MUC5AC: variants seen among roughly 807,000 people sequenced by gnomAD.
The protein encoded by MUC5AC is mucin-5AC.
Under a neutral mutation model 169.7 loss-of-function variants are expected in MUC5AC, and 158 were observed. The ratio of observed to expected loss-of-function variants is 0.93; its 90% CI spans 0.82 to 1.06. The LOEUF (loss-of-function observed/expected upper bound fraction) is 1.06. MUC5AC is among the 50% of genes least tolerant of loss of function. The pLI is 0.00. For synonymous variants in MUC5AC, 1,975 were observed against 1,237.0 expected (o/e 1.60, Z -12.52); for missense variants, 4,359 against 3,089.9 (o/e 1.41, Z -9.74).
chr11:1,194,365 G>T lies in MUC5AC; in HGVS notation c.15006+5G>T, dbSNP rs1196265024. On this transcript the variant is annotated splice_donor_5th_base_variant and intron_variant, in intron 34 of 48. Transcript: ENST00000621226. Reference sequence around the variant, plus strand: ...CACGGGGTGATGACAAACGAGGTGGGGGCGCGCCCGGTGTGCCGCGGAGGG... The same window carrying T: ...CACGGGGTGATGACAAACGAGGTGGTGGCGCGCCCGGTGTGCCGCGGAGGG... 3 of 719,184 alleles carry T rather than the reference G, an allele frequency of 4.2e-6. No homozygotes were observed. Among genetic ancestry groups the T allele is most frequent in the Non-Finnish European group, 7.6e-6 (3 of 393,912 alleles). 44.6% of individuals were successfully genotyped at this position (719,184 alleles called of 1,614,324 possible).
chr11:1,193,151 C>T (rs571767705), intron 32 of MUC5AC, among the ~76,000 whole-genome samples, 169 bp downstream of exon 32: 4 of 152,360 alleles, frequency 2.6e-5, no homozygotes, highest in African/African-American at 9.6e-5. Context: ...CTCTGATCAC[C>T]CTGGGCTTCC....
chr11:1,163,124 C>A, intron 6 of MUC5AC, 79 bp downstream of exon 6: 3 of 1,322,310 alleles, frequency 2.3e-6, no homozygotes, highest in Non-Finnish European at 3.3e-6. Flanking sequence ...CACCCTCTGA[C>A]ACTCCGGGCA....
At chr11:1,198,370 C>A in intron 43 of MUC5AC, 65 bp downstream of exon 43, 1 of 705,968 alleles carries the variant, frequency 1.4e-6, no homozygotes, top group South Asian at 1.5e-5. Context: ...ACCCTGAGGC[C>A]CAGGTAGACT....
Position 1,196,374 on chromosome 11 carries a change from T to A in MUC5AC, c.15638-14T>A, listed in dbSNP as rs907537084. 4 of 764,100 alleles carry A rather than the reference T, an allele frequency of 5.2e-6. No individual in the cohort carries two copies. Among genetic ancestry groups the A allele is most frequent in the African/African-American group, 1.7e-5 (1 of 59,010 alleles). The allele number at this position is 764,100 out of a possible 1,614,324, so 47.3% of individuals were successfully genotyped here. Reference sequence around the variant, plus strand: ...CCCTCCCACCCTCTCAGGTGTGGCTTCCCCTCCCCACAGCATTCACCTGCC... The same window carrying A: ...CCCTCCCACCCTCTCAGGTGTGGCTACCCCTCCCCACAGCATTCACCTGCC... On this transcript the variant is annotated splice_polypyrimidine_tract_variant and intron_variant, in intron 37 of 48. Transcript: ENST00000621226.
In MUC5AC at chr11:1,165,709, T is replaced by C; in HGVS notation, c.1335T>C (p.Phe445=). The C allele has an allele frequency of 6.2e-7, 1 of 1,612,490 alleles. No individual in the cohort carries two copies. The highest frequency in any genetic ancestry group is 1.1e-5 in the South Asian group (1 of 91,084). ...SVLGGAHFST[F]DGKQYTVHGD... is the part of the protein sequence containing the mutation. Reference sequence around the variant, plus strand: ...TTGGAGGTGCCCACTTCTCAACGTTTGACGGGAAGCAATACACGGTGCACG... The same window carrying C: ...TTGGAGGTGCCCACTTCTCAACGTTCGACGGGAAGCAATACACGGTGCACG... The change falls in exon 11 of 49, where the codon TTT becomes TTC. Residue 445 remains phenylalanine, a synonymous_variant. Coordinates refer to ENST00000621226, the MANE Select transcript of MUC5AC (RefSeq NM_001304359.2).
chr11:1,159,429 G>A (rs996919919), intron 1 of MUC5AC, among the ~76,000 whole-genome samples: 1 of 149,514 alleles, frequency 6.7e-6, no homozygotes, highest in Non-Finnish European at 1.5e-5. Context: ...GGCTGTGCGG[G>A]GTTGTGTGGG....
Position 1,188,289 on chromosome 11 carries a change from A to G in MUC5AC, c.10144A>G (p.Thr3382Ala). 1 of 702,222 alleles carries G rather than the reference A, an allele frequency of 1.4e-6. No homozygotes were observed. The highest frequency in any genetic ancestry group is 2.6e-6 in the Non-Finnish European group (1 of 384,938). 43.5% of individuals were successfully genotyped at this position (702,222 alleles called of 1,614,324 possible). A position where few individuals can be genotyped will look rare whatever the true frequency, so the allele number is the denominator to read the frequency against. ...TSTTSAPTTS[T>A]TSAPTTSTTS... ...CACAACCTCTGCTCCTACAACCAGC[A>G]CAACCTCTGCTCCCACAACCAGCAC... The change falls in exon 31 of 49, where the codon ACA becomes GCA. Residue 3382 changes from threonine to alanine, a missense_variant. Coordinates refer to ENST00000621226, the MANE Select transcript of MUC5AC (RefSeq NM_001304359.2).
At chr11:1,193,682 CCCAGGGCAG>C (rs1204261980) in intron 33 of MUC5AC, 23 bp downstream of exon 33, 2 of 758,732 alleles carry the variant, frequency 2.6e-6, no homozygotes, top group Non-Finnish European at 4.8e-6. Context: ...CCGAGCGGGA[CCCAGGGCAG>C]CCGGGGCAGC....
Position 1,183,985 on chromosome 11 carries a change from C to T in MUC5AC, c.5840C>T (p.Thr1947Ile), listed in dbSNP as rs1590144704. Residue 1947 changes from threonine (T) to isoleucine (I), a missense_variant, in exon 31 of 49, where the codon ACA (threonine) becomes ATA (isoleucine). Coordinates refer to ENST00000621226, the MANE Select transcript of MUC5AC (RefSeq NM_001304359.2). ...AAGCCCACCCCCACGGAGCCCAGCA[C>T]ATCCTCCTGCCTGCAGGAGCTTTGC... ...SSKPTPTEPS[T>I]SSCLQELCTW... is the part of the protein sequence containing the mutation. 1.8e-4 allele frequency: 72 copies of T among 395,060 alleles called. 2 individuals carry two copies. In the East Asian group the frequency reaches 2.6e-3, roughly 14 times the overall value. The allele number at this position is 395,060 out of a possible 1,614,324, so 24.5% of individuals were successfully genotyped here. A position where few individuals can be genotyped will look rare whatever the true frequency, so the allele number is the denominator to read the frequency against.
At position 1,190,491 on chromosome 11, in the gene MUC5AC, G is replaced by C. The variant is rs1452375691; in HGVS notation, c.12346G>C (p.Ala4116Pro). ...TGCCCCTACAACCAGCACAATCCCTGCTTCTACACCCAGCACAACCTCTGC... is the reference window on the plus strand; with the variant it reads ...TGCCCCTACAACCAGCACAATCCCTCCTTCTACACCCAGCACAACCTCTGC... The part of the protein sequence containing the change: ...TSAPTTSTIP[A>P]STPSTTSAPT... Residue 4116 changes from alanine (A) to proline (P), a missense_variant, in exon 31 of 49, where the codon GCT becomes CCT. Coordinates refer to ENST00000621226, the MANE Select transcript of MUC5AC (RefSeq NM_001304359.2). 1.7e-6 allele frequency: 1 copy of C among 585,234 alleles called. No individual in the cohort carries two copies. The highest frequency in any genetic ancestry group is 3.3e-6 in the Non-Finnish European group (1 of 302,656). 36.3% of individuals were successfully genotyped at this position (585,234 alleles called of 1,614,324 possible).
rs76087555 is a variant in MUC5AC, at chr11:1,196,453, G to A, written c.15703G>A (p.Gly5235Arg). The A allele has an allele frequency of 7.1e-4, 540 of 765,040 alleles. 2 individuals carry two copies. Among genetic ancestry groups the A allele is most frequent in the Non-Finnish European group, 1.1e-3 (456 of 417,816 alleles). 47.4% of individuals were successfully genotyped at this position (765,040 alleles called of 1,614,324 possible). Residue 5235 changes from glycine (G) to arginine (R), a missense_variant, in exon 38 of 49, where the codon GGG becomes AGG. Physicochemically the swap from Gly to Arg is moderately radical, Grantham distance 125. Coordinates refer to ENST00000621226, the MANE Select transcript of MUC5AC (RefSeq NM_001304359.2). ...CGPSNPSYCYGNDSASLGALP... is the reference protein window; with the variant it reads ...CGPSNPSYCYRNDSASLGALP... ...CCCGAGCAACCCCTCCTACTGCTAC[G>A]GGAATGACAGCGCCAGCCTCGGGTA...
chr11:1,169,492 C>T lies in MUC5AC; in HGVS notation c.1870+466C>T, dbSNP rs1252362953. On this transcript the variant is annotated intron_variant, in intron 15 of 48. Coordinates refer to ENST00000621226, the MANE Select transcript of MUC5AC (RefSeq NM_001304359.2). ...CTCACCCACTCACTCACTCACCTCA[C>T]TCACTCACCCATTCACCCATTCACT... Among the ~76,000 whole-genome samples the T allele has an allele frequency of 1.7e-5, 2 of 114,468 alleles. 1 individual carries two copies. Among genetic ancestry groups the T allele is most frequent in the Admixed American group, 1.6e-4 (2 of 12,340 alleles). The allele number at this position is 114,468 out of a possible 152,430, so 75.1% of individuals were successfully genotyped here.
At chr11:1,173,449 T>TCACTCACTCATC (rs1207915549) in intron 16 of MUC5AC, among the ~76,000 whole-genome samples, 236 of 151,494 alleles carry the variant, frequency 1.6e-3, no homozygotes, top group Middle Eastern at 6.8e-3. Context: ...ACTCATCCAC[T>TCACTCACTCATC]CACTCACTCA....
At chr11:1,181,593 G>T in intron 30 of MUC5AC, 134 bp downstream of exon 30, 3 of 397,688 alleles carry the variant, frequency 7.5e-6, no homozygotes, top group Non-Finnish European at 1.3e-5. Flanking sequence ...AAGGGATCGA[G>T]GAGCAGGGAG....
Position 1,185,096 on chromosome 11 carries a change from C to T in MUC5AC, c.6951C>T (p.Ile2317=). The T allele has an allele frequency of 1.4e-6, 1 of 715,464 alleles. No individual in the cohort carries two copies. The highest frequency in any genetic ancestry group is 1.4e-5 in the South Asian group (1 of 69,164). The allele number at this position is 715,464 out of a possible 1,614,324, so 44.3% of individuals were successfully genotyped here. Residue 2317 remains isoleucine, a synonymous_variant, in exon 31 of 49, where the codon ATC becomes ATT. Transcript: ENST00000621226. ...TPSPVPTTST[I]SAPTTSITSA... is the part of the protein sequence containing the mutation. ...GCCCTGTTCCTACCACCAGCACAAT[C>T]TCTGCTCCTACAACTAGCATAACCT... is the stretch of plus-strand genomic sequence containing the variant.
Position 1,168,530 on chromosome 11 carries a change from C to T in MUC5AC, c.1545C>T (p.Tyr515=), listed in dbSNP as rs551014185. The T allele has an allele frequency of 1.1e-4, 171 of 1,612,620 alleles. No individual in the cohort carries two copies. The highest frequency in any genetic ancestry group is 1.9e-4 in the South Asian group (17 of 91,074). ...GGGAAGTGTTCCTGAACCAGATCTACACCCAGCTGCCCATCTCTGCAGGTG... is the reference window on the plus strand; with the variant it reads ...GGGAAGTGTTCCTGAACCAGATCTATACCCAGCTGCCCATCTCTGCAGGTG... The part of the protein sequence containing the change: ...ASGEVFLNQI[Y]TQLPISAANV... The change falls in exon 13 of 49, where the codon TAC becomes TAT. Residue 515 remains tyrosine (Y), a synonymous_variant. Coordinates refer to ENST00000621226, the MANE Select transcript of MUC5AC (RefSeq NM_001304359.2).
In MUC5AC at chr11:1,194,084, G is replaced by A. The variant is rs373738150; in HGVS notation, c.14756-26G>A. 85 of 761,932 alleles carry A rather than the reference G, an allele frequency of 1.1e-4. 2 individuals carry two copies. The highest frequency in any genetic ancestry group is 4.4e-4 in the South Asian group (33 of 74,530). 47.2% of individuals were successfully genotyped at this position (761,932 alleles called of 1,614,324 possible). ...CATGGTGCCACCACCCGAGCCACCC[G>A]TAAGGCTGCCCCTGGGGCCTGGCAG... On this transcript the variant is annotated intron_variant, in intron 33 of 48. Transcript: ENST00000621226.
Position 1,181,158 on chromosome 11 carries a change from G to A in MUC5AC, c.3796G>A (p.Val1266Met), listed in dbSNP as rs1039748089. The A allele has an allele frequency of 6.3e-5, 25 of 398,442 alleles. No individual in the cohort carries two copies. Among genetic ancestry groups the A allele is most frequent in the Middle Eastern group, 6.2e-4 (1 of 1,610 alleles). 24.7% of individuals were successfully genotyped at this position (398,442 alleles called of 1,614,324 possible). The part of the protein sequence containing the change: ...CQSCLCTERG[V>M]ECTYKAEACV... ...CTCCAGCCTTTGTACGGAGCGCGGC[G>A]TGGAGTGCACCTACAAAGCTGAGGG... The change falls in exon 29 of 49, where the codon GTG (valine) becomes ATG (methionine). Residue 1266 changes from valine to methionine, a missense_variant. By Grantham distance (21) the Val-to-Met change is conservative. Transcript: ENST00000621226.
rs759186530 is a variant in MUC5AC at position 1,197,538 on chromosome 11, G to A, written c.15932G>A (p.Arg5311Gln). The A allele has an allele frequency of 3.1e-5, 22 of 717,290 alleles. No homozygotes were observed. Among genetic ancestry groups the A allele is most frequent in the South Asian group, 2.2e-4 (15 of 68,448 alleles). The allele number at this position is 717,290 out of a possible 1,614,324, so 44.4% of individuals were successfully genotyped here. Residue 5311 changes from arginine to glutamine, a missense_variant, in exon 41 of 49, where the codon CGA (arginine) becomes CAA (glutamine). By Grantham distance (43) the Arg-to-Gln change is conservative. Transcript: ENST00000621226. ...CEAATWTLTC[R>Q]PKLCPLPPAC... ...GCGGCCACGTGGACGCTGACCTGCCGACCCAAGCTCTGCCCGCTGCCCCCT... is the reference window on the plus strand; with the variant it reads ...GCGGCCACGTGGACGCTGACCTGCCAACCCAAGCTCTGCCCGCTGCCCCCT...
Sources: allele counts gnomAD v4.1 joint callset (sites outside exome capture counted in the v4.1 genomes callset), GRCh38; gene constraint gnomAD v4.1.1; transcripts MANE v1.5; gene names NCBI Gene and HGNC (gene_info 2026-07-23, HGNC 2026-07-21).